AKAP6: variants seen among roughly 807,000 people sequenced by gnomAD.
AKAP6 encodes the protein A-kinase anchor protein 6.
Under a neutral mutation model 188.5 loss-of-function variants are expected in AKAP6, and 58 were observed. The observed-to-expected ratio is 0.31, with a 90% CI of 0.25 to 0.38. The LOEUF (loss-of-function observed/expected upper bound fraction) is 0.38, where lower values mean the gene tolerates loss of function less well. Ranked by LOEUF, AKAP6 falls within the 10% of genes least tolerant of loss-of-function variation. The pLI, the probability that AKAP6 is intolerant of heterozygous loss-of-function variation, is 1.00. For synonymous variants in AKAP6, 989 were observed against 998.6 expected (o/e 0.99, Z 0.18); for missense variants, 2,710 against 2,740.0 (o/e 0.99, Z 0.24).
At chr14:32,525,770 A>G (rs1387845340) in intron 2 of AKAP6, among the ~76,000 whole-genome samples, 1 of 152,202 alleles carries the variant, frequency 6.6e-6, no homozygotes, top group African/African-American at 2.4e-5. Flanking sequence ...CATCCTTTGC[A>G]TCTGTATGGC....
At chr14:32,390,681 A>C (rs943254389) in intron 1 of AKAP6, among the ~76,000 whole-genome samples, 4 of 152,096 alleles carry the variant, frequency 2.6e-5, no homozygotes, top group Non-Finnish European at 4.4e-5. Flanking sequence ...GGTTGTCTGC[A>C]CAGAGTCCTG....
chr14:32,447,245 A>T (rs1033909022), intron 2 of AKAP6, among the ~76,000 whole-genome samples: 2 of 152,110 alleles, frequency 1.3e-5, no homozygotes, highest in African/African-American at 4.8e-5. Context: ...TGCTTTTTTC[A>T]TATGTTGTTT....
intron 7 of AKAP6, among the ~76,000 whole-genome samples, chr14:32,651,062 A>G (rs1888202501): frequency 6.6e-6 from 1 of 152,174 alleles, no homozygotes; most frequent in Non-Finnish European, 1.5e-5. Flanking sequence ...TGTTGCAAGA[A>G]CCAGAGGGCT....
In AKAP6 at chr14:32,544,932, ATATAT is replaced by A. The variant is rs1883126536; in HGVS notation, c.577-294_577-290del. Among the ~76,000 whole-genome samples, 4 of 152,302 alleles carry A rather than the reference ATATAT, an allele frequency of 2.6e-5. No individual in the cohort carries two copies. The South Asian group carries it at 8.3e-4, about 32-fold the overall frequency. ...TTATGAAATTCTTATTAAATGAATA[ATATAT>A]TATTTTTAAGTTGAAAATTAAGTCA... On this transcript the variant is annotated intron_variant, in intron 3 of 13. Coordinates refer to ENST00000280979, the MANE Select transcript of AKAP6 (RefSeq NM_004274.5).
At chr14:32,358,526 G>T (rs534678611) in intron 1 of AKAP6, among the ~76,000 whole-genome samples, 13 of 146,674 alleles carry the variant, frequency 8.9e-5, no homozygotes, top group Non-Finnish European at 1.6e-4. Flanking sequence ...TGTGTTGGGT[G>T]GGGGGGTTAG....
Position 32,546,203 on chromosome 14 carries a change from C to G in AKAP6, c.1550C>G (p.Ser517Ter). ...CGAACACCTAAACGGGGGACTGGTTCAGGCAAACAAGCTAAAAATACAAAG... is the reference window on the plus strand; with the variant it reads ...CGAACACCTAAACGGGGGACTGGTTGAGGCAAACAAGCTAAAAATACAAAG... ...PCRTPKRGTG[S>*]GKQAKNTKSS... The change falls in exon 4 of 14, where the codon TCA becomes TGA. Residue 517 changes from serine (S) to a stop codon, truncating the protein, a stop_gained. Coordinates refer to ENST00000280979, the MANE Select transcript of AKAP6 (RefSeq NM_004274.5). LOFTEE classifies it high-confidence loss of function. 1 of 1,614,152 alleles carries G rather than the reference C, an allele frequency of 6.2e-7. No individual in the cohort carries two copies. The highest frequency in any genetic ancestry group is 8.5e-7 in the Non-Finnish European group (1 of 1,180,026).
At chr14:32,578,413 T>C (rs1345391527) in intron 5 of AKAP6, among the ~76,000 whole-genome samples, 1 of 152,110 alleles carries the variant, frequency 6.6e-6, no homozygotes, top group East Asian at 1.9e-4. Flanking sequence ...CCTGAGTCGA[T>C]GGTGTGTAAA....
chr14:32,627,750 C>T (rs1887085415), intron 7 of AKAP6, among the ~76,000 whole-genome samples: 1 of 152,106 alleles, frequency 6.6e-6, no homozygotes, highest in Non-Finnish European at 1.5e-5. Context: ...GTGTCTCCCA[C>T]ACTTCTAAGT....
At chr14:32,737,539 TC>T (rs2031485701) in intron 11 of AKAP6, among the ~76,000 whole-genome samples, 1 of 152,276 alleles carries the variant, frequency 6.6e-6, no homozygotes, top group African/African-American at 2.4e-5. Flanking sequence ...ACTCTGCCTT[TC>T]TAAGTGATGA....
At chr14:32,743,166 G>A (rs987323638) in intron 11 of AKAP6, among the ~76,000 whole-genome samples, 4 of 151,906 alleles carry the variant, frequency 2.6e-5, no homozygotes, top group African/African-American at 9.7e-5. Context: ...AATCTATTTT[G>A]TCTGATATAC....
intron 2 of AKAP6, among the ~76,000 whole-genome samples, chr14:32,506,165 A>T (rs1323538630): frequency 6.6e-6 from 1 of 152,074 alleles, no homozygotes; most frequent in Non-Finnish European, 1.5e-5. Context: ...TAATGATAAT[A>T]ATTATAAAAT....
At chr14:32,357,844 G>A (rs1226710479) in intron 1 of AKAP6, among the ~76,000 whole-genome samples, 2 of 152,224 alleles carry the variant, frequency 1.3e-5, no homozygotes. Flanking sequence ...TGGCGCCCGT[G>A]TGTAATGCAC....
chr14:32,792,438 G>C (rs1594950372), intron 12 of AKAP6, among the ~76,000 whole-genome samples: 2 of 152,116 alleles, frequency 1.3e-5, no homozygotes, highest in Admixed American at 1.3e-4. Context: ...TTGGTGTATA[G>C]GAATGCTTGT....
chr14:32,751,637 G>T (rs886830466), intron 11 of AKAP6, among the ~76,000 whole-genome samples: 2 of 151,104 alleles, frequency 1.3e-5, no homozygotes, highest in African/African-American at 2.4e-5. Flanking sequence ...TGGAAGTCCT[G>T]CTCTGCGCAT....
intron 1 of AKAP6, among the ~76,000 whole-genome samples, chr14:32,391,948 G>C (rs151184812): frequency 6.6e-6 from 1 of 152,066 alleles, no homozygotes; most frequent in Non-Finnish European, 1.5e-5. Context: ...AGATGAAGTG[G>C]GAGTGAGTCT....
Position 32,835,158 on chromosome 14 carries a change from A to G in AKAP6, c.*5353A>G, listed in dbSNP as rs2034862474. On this transcript the variant is annotated 3_prime_UTR_variant, in exon 14 of 14. Coordinates refer to ENST00000280979, the MANE Select transcript of AKAP6 (RefSeq NM_004274.5). ...ACATTTACTATCTGGATCATTACAG[A>G]AAGTTTTCTGATCCCTGGTCTATGA... 1 of 152,202 alleles carries G rather than the reference A, an allele frequency of 6.6e-6. No homozygotes were observed. Among genetic ancestry groups the G allele is most frequent in the Non-Finnish European group, 1.5e-5 (1 of 68,038 alleles). 9.4% of individuals were successfully genotyped at this position (152,202 alleles called of 1,614,324 possible).
intron 2 of AKAP6, among the ~76,000 whole-genome samples, chr14:32,492,355 TAGAGAG>T (rs1555333490): frequency 0.17 from 14,269 of 82,724 alleles, 1,007 homozygotes; most frequent in Non-Finnish European, 0.19. Flanking sequence ...TATATATATA[TAGAGAG>T]AGAGAGAGAG....
At chr14:32,800,550 G>A (rs1421405969) in intron 12 of AKAP6, among the ~76,000 whole-genome samples, 1 of 152,064 alleles carries the variant, frequency 6.6e-6, no homozygotes, top group Non-Finnish European at 1.5e-5. Context: ...TTAGAGAATT[G>A]ACTCATATAT....
chr14:32,754,688 G>A (rs958216701), intron 11 of AKAP6, among the ~76,000 whole-genome samples: 3 of 152,104 alleles, frequency 2.0e-5, no homozygotes, highest in Admixed American at 1.3e-4. Context: ...GTTTAGTGGT[G>A]ATGAACTTCC....
Sources: allele counts gnomAD v4.1 joint callset (sites outside exome capture counted in the v4.1 genomes callset), GRCh38; gene constraint gnomAD v4.1.1; transcripts MANE v1.5; gene names NCBI Gene and HGNC (gene_info 2026-07-23, HGNC 2026-07-21).